FHIT: variants seen among roughly 807,000 people sequenced by gnomAD.
FHIT encodes fragile histidine triad diadenosine triphosphatase.
A neutral mutation model predicts 17.9 loss-of-function variants in FHIT; 19 were observed. That is an observed-to-expected ratio of 1.06 (90% CI 0.74 to 1.56). FHIT has a LOEUF of 1.56. Ranked by LOEUF, FHIT falls within the 40% of genes most tolerant of loss-of-function variation. The pLI is 0.00. For missense variants in FHIT, 248 were observed against 189.2 expected (o/e 1.31, Z -1.82); for synonymous variants, 81 against 69.7 (o/e 1.16, Z -0.81).
At chr3:59,887,799 C>G (rs1703689589) in intron 8 of FHIT, among the ~76,000 whole-genome samples, 1 of 152,172 alleles carries the variant, frequency 6.6e-6, no homozygotes, top group Non-Finnish European at 1.5e-5. Flanking sequence ...TGCCTCCTAA[C>G]TCAGCAAGGG....
chr3:59,995,420 T>C (rs1699465614), intron 7 of FHIT, among the ~76,000 whole-genome samples: 2 of 152,096 alleles, frequency 1.3e-5, no homozygotes, highest in Admixed American at 6.6e-5. Context: ...GTAATTAAAC[T>C]TCAACAACTA....
chr3:60,399,454 G>C (rs1701578099), intron 5 of FHIT, among the ~76,000 whole-genome samples: 1 of 152,092 alleles, frequency 6.6e-6, no homozygotes, highest in South Asian at 2.1e-4. Flanking sequence ...GGGAGGACTT[G>C]GGAAGCGGAC....
intron 5 of FHIT, among the ~76,000 whole-genome samples, chr3:60,341,403 G>T (rs1710509473): frequency 6.6e-6 from 1 of 152,178 alleles, no homozygotes; most frequent in Admixed American, 6.5e-5. Flanking sequence ...AAAACCCATA[G>T]ATACACAAAC....
At chr3:60,271,185 A>C (rs1014495396) in intron 5 of FHIT, among the ~76,000 whole-genome samples, 1 of 152,092 alleles carries the variant, frequency 6.6e-6, no homozygotes, top group Non-Finnish European at 1.5e-5. Flanking sequence ...AGATCTCTTG[A>C]GCTCAGGAGT....
chr3:61,235,694 T>A (rs2040213990), intron 1 of FHIT, among the ~76,000 whole-genome samples: 1 of 149,870 alleles, frequency 6.7e-6, no homozygotes, highest in Admixed American at 6.6e-5. Flanking sequence ...AGAGCGAGAC[T>A]CTGTCTCAAA....
At chr3:61,195,012 G>T (rs1262451372) in intron 2 of FHIT, among the ~76,000 whole-genome samples, 3 of 147,484 alleles carry the variant, frequency 2.0e-5, no homozygotes, top group Non-Finnish European at 4.5e-5. Context: ...GTGGTTAGTG[G>T]GGGGTGTGAT....
intron 8 of FHIT, among the ~76,000 whole-genome samples, chr3:59,868,886 A>T (rs967709089): frequency 6.6e-6 from 1 of 152,188 alleles, no homozygotes; most frequent in Non-Finnish European, 1.5e-5. Context: ...ATAAAATCCC[A>T]GGGAAAGATT....
chr3:59,912,608 T>C (rs1475964127), intron 8 of FHIT, among the ~76,000 whole-genome samples: 1 of 152,198 alleles, frequency 6.6e-6, no homozygotes, highest in Non-Finnish European at 1.5e-5. Context: ...GCCAGTGAAA[T>C]TTCATATATA....
At chr3:59,886,906 A>C (rs910407360) in intron 8 of FHIT, among the ~76,000 whole-genome samples, 3 of 152,168 alleles carry the variant, frequency 2.0e-5, no homozygotes, top group African/African-American at 7.2e-5. Flanking sequence ...TTGAGAACCA[A>C]CTATTTGTCA....
chr3:61,011,385 A>C (rs7621722), intron 3 of FHIT, among the ~76,000 whole-genome samples: 135,371 of 152,156 alleles, frequency 0.89, 60,296 homozygotes, highest in East Asian at 0.99. Context: ...CTGTTTTAGG[A>C]AGAAACCAGC....
intron 8 of FHIT, among the ~76,000 whole-genome samples, chr3:59,819,999 G>C (rs971569171): frequency 6.6e-6 from 1 of 152,192 alleles, no homozygotes; most frequent in Non-Finnish European, 1.5e-5. Context: ...CAGAAGCAGA[G>C]GGCAAGCCCT....
At chr3:60,056,812 G>C (rs958615455) in intron 5 of FHIT, among the ~76,000 whole-genome samples, 4 of 152,194 alleles carry the variant, frequency 2.6e-5, no homozygotes, top group African/African-American at 7.2e-5. Context: ...TTTTATCCTA[G>C]ATAAGGTGTT....
intron 5 of FHIT, among the ~76,000 whole-genome samples, chr3:60,216,763 T>A (rs988029000): frequency 1.3e-5 from 2 of 152,162 alleles, no homozygotes; most frequent in African/African-American, 4.8e-5. Flanking sequence ...ACAAAATTGA[T>A]TTTTCCAGAC....
intron 2 of FHIT, among the ~76,000 whole-genome samples, chr3:61,134,517 TG>T (rs2036857986): frequency 6.6e-6 from 1 of 152,058 alleles, no homozygotes; most frequent in African/African-American, 2.4e-5. Context: ...CAAAAAGCTA[TG>T]AGACATCTCT....
chr3:60,393,436 CTT>C (rs1374128429), intron 5 of FHIT, among the ~76,000 whole-genome samples: 5 of 149,296 alleles, frequency 3.3e-5, no homozygotes, highest in Admixed American at 3.3e-4. Flanking sequence ...TTACATATAA[CTT>C]ATGTATATAA....
intron 4 of FHIT, among the ~76,000 whole-genome samples, chr3:60,596,989 C>A (rs893931571): frequency 1.3e-5 from 2 of 152,106 alleles, no homozygotes; most frequent in African/African-American, 4.8e-5. Flanking sequence ...TTATCAGAGA[C>A]CTCTGGTATT....
At chr3:60,364,220 C>T (rs1700019680) in intron 5 of FHIT, among the ~76,000 whole-genome samples, 1 of 152,198 alleles carries the variant, frequency 6.6e-6, no homozygotes, top group Non-Finnish European at 1.5e-5. Flanking sequence ...TCATTCCATG[C>T]TTTTCTACAC....
In FHIT at chr3:59,748,288, AAATCATGAC is replaced by A. The variant is rs1432000633; in HGVS notation, c.*1288_*1296del. ...TCTAGGTGGTCCACAAAGATAAGAAAAATCATGACAAAATGGGAATGAATGCAATTTGGG... is the reference window on the plus strand; with the variant it reads ...TCTAGGTGGTCCACAAAGATAAGAAAAAAATGGGAATGAATGCAATTTGGG... On this transcript the variant is annotated 3_prime_UTR_variant, in exon 10 of 10. Coordinates refer to ENST00000492590, the MANE Select transcript of FHIT (RefSeq NM_002012.4). Among the ~76,000 whole-genome samples, 1 of 152,202 alleles carries A rather than the reference AAATCATGAC, an allele frequency of 6.6e-6. No homozygotes were observed. Among genetic ancestry groups the A allele is most frequent in the East Asian group, 1.9e-4 (1 of 5,194 alleles).
At chr3:60,800,685 G>A (rs1553731936) in intron 4 of FHIT, among the ~76,000 whole-genome samples, 1 of 152,196 alleles carries the variant, frequency 6.6e-6, no homozygotes, top group African/African-American at 2.4e-5. Flanking sequence ...GGAAATGAGG[G>A]AGTAGGATGG....
Sources: gnomAD v4.1 joint callset for allele counts (sites outside exome capture counted in the v4.1 genomes callset) on GRCh38, gnomAD v4.1.1 for gene constraint, MANE v1.5 for transcripts, NCBI Gene and HGNC (gene_info 2026-07-23, HGNC 2026-07-21) for gene names.